NCOA2: variants seen among roughly 807,000 people sequenced by gnomAD.
The protein encoded by NCOA2 is nuclear receptor coactivator 2.
NCOA2 carries 21 observed loss-of-function variants against 145.1 expected under a neutral mutation model. The ratio of observed to expected loss-of-function variants is 0.14; its 90% CI spans 0.10 to 0.21. The LOEUF is 0.21. NCOA2 is among the 10% of genes least tolerant of loss of function. The probability of loss-of-function intolerance (pLI) is 1.00; values close to 1 mark genes in which losing one functional copy is unlikely to be tolerated. For missense variants in NCOA2, 1,472 were observed against 1,837.6 expected, an observed-to-expected ratio of 0.80 and a Z score of 3.64; for synonymous variants, 619 against 637.5, an observed-to-expected ratio of 0.97 and a Z score of 0.44.
intron 1 of NCOA2, among the ~76,000 whole-genome samples, chr8:70,297,451 A>G (rs1827175451): frequency 6.6e-6 from 1 of 152,144 alleles, no homozygotes; most frequent in African/African-American, 2.4e-5. Context: ...CTCCCGCCCC[A>G]GCCTCCCAAG....
intron 4 of NCOA2, among the ~76,000 whole-genome samples, chr8:70,190,204 A>G (rs926475770): frequency 6.6e-6 from 1 of 152,234 alleles, no homozygotes; most frequent in Admixed American, 6.5e-5. Flanking sequence ...ACAAATCTCA[A>G]AAATTCAGGC....
intron 1 of NCOA2, among the ~76,000 whole-genome samples, chr8:70,363,079 TAAAAAA>T (rs777122942): frequency 6.0e-5 from 6 of 99,810 alleles, no homozygotes; most frequent in African/African-American, 2.5e-4. Flanking sequence ...ACTCTGTCTT[TAAAAAA>T]AAAAAAAAAA....
intron 1 of NCOA2, among the ~76,000 whole-genome samples, chr8:70,384,844 C>T (rs571500047): frequency 1.6e-4 from 24 of 152,122 alleles, no homozygotes; most frequent in Non-Finnish European, 2.5e-4. Context: ...CCAAATGATA[C>T]ATCAGATCAT....
At chr8:70,306,707 C>A (rs180702396) in intron 1 of NCOA2, among the ~76,000 whole-genome samples, 113 of 152,088 alleles carry the variant, frequency 7.4e-4, no homozygotes, top group African/African-American at 2.6e-3. Context: ...GGCGAAACGT[C>A]GTCTCTACAA....
At chr8:70,232,053 C>T (rs1239945027) in intron 2 of NCOA2, among the ~76,000 whole-genome samples, 1 of 152,172 alleles carries the variant, frequency 6.6e-6, no homozygotes, top group Non-Finnish European at 1.5e-5. Context: ...CGGCCGCTGC[C>T]TTCTATAATC....
intron 1 of NCOA2, among the ~76,000 whole-genome samples, chr8:70,298,125 T>C (rs937714767): frequency 3.9e-5 from 6 of 152,230 alleles, no homozygotes; most frequent in Non-Finnish European, 8.8e-5. Flanking sequence ...AATTTACAAT[T>C]TGGATTATCA....
chr8:70,399,451 T>C (rs1814013084), intron 1 of NCOA2, among the ~76,000 whole-genome samples: 1 of 152,224 alleles, frequency 6.6e-6, no homozygotes, highest in African/African-American at 2.4e-5. Flanking sequence ...GTCTTATTCT[T>C]ATACTATGGA....
At chr8:70,181,377 G>T (rs953373900) in intron 4 of NCOA2, among the ~76,000 whole-genome samples, 13 of 152,124 alleles carry the variant, frequency 8.5e-5, no homozygotes, top group Non-Finnish European at 1.9e-4. Context: ...TGTAGAAAAC[G>T]CGCAGAAATT....
intron 2 of NCOA2, among the ~76,000 whole-genome samples, chr8:70,229,120 A>G (rs1197142227): frequency 6.6e-6 from 1 of 152,250 alleles, no homozygotes; most frequent in Non-Finnish European, 1.5e-5. Context: ...GTATTAAAAT[A>G]CAGCCTAAAT....
At chr8:70,216,607 C>G in intron 3 of NCOA2, 53 bp downstream of exon 3, 1 of 1,393,744 alleles carries the variant, frequency 7.2e-7, no homozygotes, top group Non-Finnish European at 1.0e-6. Context: ...CAAAGAAGCA[C>G]TCATGTGGCT....
At chr8:70,390,899 A>C (rs940608655) in intron 1 of NCOA2, among the ~76,000 whole-genome samples, 16 of 152,232 alleles carry the variant, frequency 1.1e-4, no homozygotes, top group Admixed American at 7.8e-4. Context: ...TCTGGTGTCT[A>C]CTACATACCT....
intron 1 of NCOA2, among the ~76,000 whole-genome samples, chr8:70,334,907 T>C (rs1176856017): frequency 6.6e-6 from 1 of 151,964 alleles, no homozygotes; most frequent in East Asian, 1.9e-4. Flanking sequence ...GCGGATCACC[T>C]GAGGTCAGGA....
chr8:70,351,131 G>A (rs771551817), intron 1 of NCOA2, among the ~76,000 whole-genome samples: 2 of 152,130 alleles, frequency 1.3e-5, no homozygotes, highest in African/African-American at 4.8e-5. Flanking sequence ...GAGCCCTCAC[G>A]GCTTAATCAC....
chr8:70,456,316 A>G, the NCOA2 span, among the ~76,000 whole-genome samples: 3 of 152,184 alleles, frequency 2.0e-5, no homozygotes, highest in Middle Eastern at 3.2e-3. Flanking sequence ...AAAGAGAACA[A>G]AGAGAGAGGA....
At position 70,128,977 on chromosome 8, in the gene NCOA2, G is replaced by C; in HGVS notation, c.3328C>G (p.Gln1110Glu). 6.3e-7 allele frequency: 1 copy of C among 1,596,362 alleles called. No individual in the cohort carries two copies. The highest frequency in any genetic ancestry group is 8.5e-7 in the Non-Finnish European group (1 of 1,170,344). Residue 1110 changes from glutamine to glutamate, a missense_variant, in exon 17 of 23, where the codon CAA (glutamine) becomes GAA (glutamate). By Grantham distance (29) the Gln-to-Glu change is conservative (BLOSUM62 2). Transcript: ENST00000452400. ...LGIPELVSQS[Q>E]AVDPEQFSSQ... ...GAGAACTGTTCTGGATCTACTGCTT[G>C]GCTCTGGAGAGAAAGTCCCAAATAA...
chr8:70,248,938 G>A (rs766029348), intron 2 of NCOA2, among the ~76,000 whole-genome samples: 2 of 151,786 alleles, frequency 1.3e-5, no homozygotes, highest in Non-Finnish European at 2.9e-5. Flanking sequence ...TCTCCTATTG[G>A]TAGACATTTA....
chr8:70,330,372 C>T lies in NCOA2; in HGVS notation c.-76-33572G>A, dbSNP rs556340333. ...ATCCCTTGAGGCCAGGAATTCAAGA[C>T]CAGCCCAGGCAACATAGAGAGGCTC... On this transcript the variant is annotated intron_variant, in intron 1 of 22. Coordinates refer to ENST00000452400, the MANE Select transcript of NCOA2 (RefSeq NM_006540.4). Among the ~76,000 whole-genome samples, 62 of 152,052 alleles carry T rather than the reference C, an allele frequency of 4.1e-4. 1 individual carries two copies. Among genetic ancestry groups the T allele is most frequent in the African/African-American group, 1.4e-3 (60 of 41,502 alleles).
chr8:70,278,523 C>T (rs1825635299), intron 2 of NCOA2, among the ~76,000 whole-genome samples: 1 of 152,132 alleles, frequency 6.6e-6, no homozygotes, highest in East Asian at 1.9e-4. Context: ...AGAAGTCAGT[C>T]ACTTCCTAGA....
chr8:70,426,019 A>G, the NCOA2 span, among the ~76,000 whole-genome samples: 1 of 152,214 alleles, frequency 6.6e-6, no homozygotes, highest in Non-Finnish European at 1.5e-5. Flanking sequence ...TAGCTCTTTC[A>G]GGTATATTAT....
Sources: allele counts gnomAD v4.1 joint callset (sites outside exome capture counted in the v4.1 genomes callset), GRCh38; gene constraint gnomAD v4.1.1; transcripts MANE v1.5; gene names NCBI Gene and HGNC (gene_info 2026-07-23, HGNC 2026-07-21).